Variants in TBC1D9 observed in about 807,000 individuals in gnomAD.
The protein encoded by TBC1D9 is TBC1 domain family member 9A.
Under a neutral mutation model 132.0 loss-of-function variants are expected in TBC1D9, and 63 were observed. The observed-to-expected ratio is 0.48, with a 90% CI of 0.39 to 0.59. The LOEUF (loss-of-function observed/expected upper bound fraction) is 0.59. Ranked by LOEUF, TBC1D9 falls within the 20% of genes least tolerant of loss-of-function variation. The probability of loss-of-function intolerance (pLI) is 0.00; values close to 1 mark genes in which losing one functional copy is unlikely to be tolerated. For missense variants in TBC1D9, 1,261 were observed against 1,592.7 expected, an observed-to-expected ratio of 0.79 and a Z score of 3.54; for synonymous variants, 610 against 609.9, an observed-to-expected ratio of 1.00 and a Z score of 0.00.
chr4:140,697,156 G>T (rs1294801229), intron 2 of TBC1D9, among the ~76,000 whole-genome samples: 3 of 152,058 alleles, frequency 2.0e-5, no homozygotes, highest in Non-Finnish European at 4.4e-5. Flanking sequence ...GCAGGCGGAT[G>T]GCTTGAGCAC....
intron 16 of TBC1D9, among the ~76,000 whole-genome samples, chr4:140,628,624 G>A (rs557462309): frequency 6.6e-6 from 1 of 152,262 alleles, no homozygotes; most frequent in Non-Finnish European, 1.5e-5. Flanking sequence ...GATGATAATA[G>A]AAGATTCTAC....
intron 13 of TBC1D9, chr4:140,643,340 C>T (rs1417575581): frequency 7.4e-7 from 1 of 1,342,568 alleles, no homozygotes; most frequent in Non-Finnish European, 1.0e-6. Flanking sequence ...TCTCCAAGGC[C>T]TGGACTCCAG....
intron 1 of TBC1D9, among the ~76,000 whole-genome samples, chr4:140,703,988 A>G (rs776973374): frequency 3.9e-5 from 6 of 152,344 alleles, no homozygotes; most frequent in Non-Finnish European, 7.3e-5. Flanking sequence ...TGTTTGTAAT[A>G]CCTCTCACAT....
rs1041472473 is a variant in TBC1D9 at position 140,701,357 on chromosome 4, G to C, written c.241+147C>G. On this transcript the variant is annotated intron_variant, in intron 2 of 20. Transcript: ENST00000442267. The stretch of plus-strand genomic sequence containing the variant: ...ATTGTGTTAAGCCACTGAGACTTTG[G>C]GTTCATGTGTTGAAATGGCTACGGT... 6.3e-6 allele frequency: 4 copies of C among 635,648 alleles called. No individual in the cohort carries two copies. The African/African-American group carries it at 7.3e-5, about 12-fold the overall frequency. The allele number at this position is 635,648 out of a possible 1,614,324, so 39.4% of individuals were successfully genotyped here.
intron 9 of TBC1D9, 47 bp downstream of exon 9, chr4:140,668,870 G>T: frequency 6.2e-7 from 1 of 1,602,152 alleles, no homozygotes. Context: ...CCCTGGTGTG[G>T]AGTCCCACAG....
rs566325510 is a variant in TBC1D9 at position 140,706,370 on chromosome 4, T to C, written c.131-4756A>G. 7.2e-5 allele frequency among the ~76,000 whole-genome samples: 11 copies of C among 152,304 alleles called. No homozygotes were observed. The highest frequency in any genetic ancestry group is 2.6e-4 in the African/African-American group (11 of 41,564). On this transcript the variant is annotated intron_variant, in intron 1 of 20. Transcript: ENST00000442267. This position sits in a 1 kb window ranked among gnomAD's most constrained non-coding sequence, Gnocchi z 4.0. ...TTGGCTCACATACCAGCCAGTCCCTTAATCTCTCTGTGCCCCTGCTTCCTG... is the reference window on the plus strand; with the variant it reads ...TTGGCTCACATACCAGCCAGTCCCTCAATCTCTCTGTGCCCCTGCTTCCTG...
At chr4:140,632,723 C>T (rs945386767) in intron 16 of TBC1D9, among the ~76,000 whole-genome samples, 11 of 152,112 alleles carry the variant, frequency 7.2e-5, no homozygotes, top group African/African-American at 2.7e-4. Context: ...CAAACTGTGC[C>T]TCTTGAGTAC....
intron 1 of TBC1D9, among the ~76,000 whole-genome samples, chr4:140,746,182 C>T (rs1302847678): frequency 1.3e-5 from 2 of 152,172 alleles, no homozygotes; most frequent in Non-Finnish European, 2.9e-5. Context: ...CTGGCTTTTT[C>T]TTTTAAATCT....
intron 1 of TBC1D9, among the ~76,000 whole-genome samples, chr4:140,711,521 T>G (rs1738243683): frequency 6.6e-6 from 1 of 152,192 alleles, no homozygotes. Flanking sequence ...TTCTTCTAAT[T>G]CATGTATCCT....
At chr4:140,645,060 G>A (rs921633982) in intron 13 of TBC1D9, 4 of 498,280 alleles carry the variant, frequency 8.0e-6, no homozygotes, top group Non-Finnish European at 1.6e-5. Context: ...CCAGCAACCG[G>A]AGCCTGCCAG....
At position 140,662,031 on chromosome 4, in the gene TBC1D9, G is replaced by A. The variant is rs376254751; in HGVS notation, c.1665C>T (p.Leu555=). 4.3e-5 allele frequency: 70 copies of A among 1,613,886 alleles called. 1 individual carries two copies. In the African/African-American group the frequency reaches 6.5e-4, roughly 15 times the overall value. The change falls in exon 10 of 21, where the codon CTC becomes CTT. Residue 555 remains leucine, a synonymous_variant. Coordinates refer to ENST00000442267, the MANE Select transcript of TBC1D9 (RefSeq NM_015130.3). Reference sequence around the variant, plus strand: ...AATCCCTCTCAATCTCCTCCGTGGCGAGATTATACTTCCCCATGGACTTCT... The same window carrying A: ...AATCCCTCTCAATCTCCTCCGTGGCAAGATTATACTTCCCCATGGACTTCT... ...LVEKSMGKYN[L]ATEEIERDLH... is the part of the protein sequence containing the mutation.
intron 16 of TBC1D9, 95 bp from the exon 17 acceptor site, chr4:140,628,460 C>A (rs1471813972): frequency 8.9e-7 from 1 of 1,123,790 alleles, no homozygotes; most frequent in Admixed American, 1.9e-5. Context: ...CATACACATT[C>A]CAACCAAGAC....
intron 1 of TBC1D9, among the ~76,000 whole-genome samples, chr4:140,723,793 C>T (rs191279693): frequency 1.4e-3 from 208 of 152,242 alleles, no homozygotes; most frequent in African/African-American, 4.8e-3. Flanking sequence ...AGGTCTTGCT[C>T]TGTTGCCCAG....
At chr4:140,651,278 C>CA (rs1287788861) in intron 13 of TBC1D9, among the ~76,000 whole-genome samples, 3 of 152,168 alleles carry the variant, frequency 2.0e-5, no homozygotes, top group African/African-American at 7.2e-5. Context: ...GCCTGGCCAA[C>CA]ATGGTGAAAC....
At chr4:140,702,057 C>T (rs1444792374) in intron 1 of TBC1D9, among the ~76,000 whole-genome samples, 3 of 152,260 alleles carry the variant, frequency 2.0e-5, no homozygotes, top group South Asian at 4.2e-4. Context: ...GAGCTAGGGC[C>T]GGGAAACAGA....
chr4:140,657,384 A>C, intron 12 of TBC1D9, 143 bp downstream of exon 12: 1 of 1,349,212 alleles, frequency 7.4e-7, no homozygotes, highest in Non-Finnish European at 1.0e-6. Flanking sequence ...TTTCTAAAGA[A>C]AAAGCATATG....
chr4:140,640,565 T>C (rs1437298669), intron 13 of TBC1D9, among the ~76,000 whole-genome samples: 1 of 152,136 alleles, frequency 6.6e-6, no homozygotes, highest in African/African-American at 2.4e-5. Context: ...AGGCCGTCTA[T>C]CTTGCAGCTA....
rs138228970 is a variant in TBC1D9 at position 140,690,391 on chromosome 4, C to T, written c.242-3929G>A. ...TCCAACATTGTTCTCACCACTGGCT[C>T]TTTTCTCTACTGCTCGCTATGAGGT... On this transcript the variant is annotated intron_variant, in intron 2 of 20. Transcript: ENST00000442267. 2.0e-5 allele frequency among the ~76,000 whole-genome samples: 3 copies of T among 152,308 alleles called. No individual in the cohort carries two copies. In the East Asian group the frequency reaches 5.8e-4, roughly 29 times the overall value.
intron 1 of TBC1D9, among the ~76,000 whole-genome samples, chr4:140,750,624 G>A (rs62346957): frequency 0.31 from 46,915 of 151,068 alleles, 7,724 homozygotes; most frequent in East Asian, 0.57. Flanking sequence ...ATAAAACACC[G>A]AGAAAAACTT....
Sources: gnomAD v4.1 joint callset for allele counts (sites outside exome capture counted in the v4.1 genomes callset) on GRCh38, gnomAD v4.1.1 for gene constraint, Gnocchi (gnomAD v3.1) non-coding constraint, MANE v1.5 for transcripts, NCBI Gene and HGNC (gene_info 2026-07-23, HGNC 2026-07-21) for gene names.